SPC25: variants seen among roughly 807,000 people sequenced by gnomAD.
SPC25 encodes the protein SPC25 component of NDC80 kinetochore complex.
SPC25 carries 22 observed loss-of-function variants against 29.6 expected under a neutral mutation model. That is an observed-to-expected ratio of 0.74 (90% CI 0.53 to 1.06). The LOEUF is 1.06. Among genes scored for constraint, SPC25 ranks in the 50% least tolerant of loss-of-function variants. SPC25 has a pLI of 0.00. For missense variants in SPC25, 230 were observed against 255.8 expected (o/e 0.90, Z 0.69); for synonymous variants, 91 against 90.4 (o/e 1.01, Z -0.04).
intron 5 of SPC25, among the ~76,000 whole-genome samples, chr2:168,874,676 A>T (rs1215009424): frequency 6.6e-6 from 1 of 152,130 alleles, no homozygotes; most frequent in Non-Finnish European, 1.5e-5. Flanking sequence ...CAGCAAAGGG[A>T]AAAGGTACAT....
At chr2:168,864,034 C>G (rs1689675826) in intron 4 of SPC25, among the ~76,000 whole-genome samples, 1 of 152,068 alleles carries the variant, frequency 6.6e-6, no homozygotes, top group African/African-American at 2.4e-5. Flanking sequence ...CCTCAGTCTC[C>G]CAAGCTCACT....
chr2:168,870,339 A>G (rs1300586210), downstream of SPC25, among the ~76,000 whole-genome samples: 2 of 151,570 alleles, frequency 1.3e-5, no homozygotes, highest in Admixed American at 6.6e-5. Context: ...ATGTCAACAA[A>G]AGCCGAAATT....
chr2:168,882,005 G>C (rs1283221510), intron 3 of SPC25, among the ~76,000 whole-genome samples: 13 of 152,142 alleles, frequency 8.5e-5, no homozygotes, highest in Admixed American at 6.5e-4. Context: ...AATCAACCTA[G>C]ATCAAGAAAT....
chr2:168,862,054 G>A (rs1689492298), intron 4 of SPC25: 1 of 1,612,466 alleles, frequency 6.2e-7, no homozygotes, highest in African/African-American at 1.3e-5. Context: ...AAAAGGGTAA[G>A]AATCATTCTC....
chr2:168,871,542 G>C lies in SPC25; in HGVS notation c.564C>G (p.Ala188=). ...EARDYEVSDS[A]PHLEGLAEFQ... ...ATTCTGCTAGGCCCTCAAGATGAGG[G>C]GCACTATCTGACACTAGAAAAAAAA... The change falls in exon 7 of 7, where the codon GCC becomes GCG. Residue 188 remains alanine (A), a synonymous_variant. Coordinates refer to ENST00000282074, the MANE Select transcript of SPC25 (RefSeq NM_020675.4). 3 of 1,570,120 alleles carry C rather than the reference G, an allele frequency of 1.9e-6. No homozygotes were observed. The highest frequency in any genetic ancestry group is 2.6e-6 in the Non-Finnish European group (3 of 1,166,802).
At chr2:168,863,590 T>A in intron 4 of SPC25, 1 of 985,270 alleles carries the variant, frequency 1.0e-6, no homozygotes, top group Non-Finnish European at 1.2e-6. Flanking sequence ...TGTCTCCAAA[T>A]TGATGTTGTA....
intron 4 of SPC25, among the ~76,000 whole-genome samples, chr2:168,863,913 TTTTA>T (rs1287429989): frequency 7.9e-5 from 12 of 151,580 alleles, no homozygotes; most frequent in Admixed American, 3.3e-4. Flanking sequence ...CGTGATCTTT[TTTTA>T]TTTTTTTTTT....
chr2:168,876,065 A>T lies in SPC25; in HGVS notation c.451+7T>A. On this transcript the variant is annotated splice_region_variant and intron_variant, in intron 5 of 6. Transcript: ENST00000282074. The stretch of plus-strand genomic sequence containing the variant: ...CTCCTATATTTTATTTATATTAACA[A>T]ACTTACCATAAATTTTTCGAATTTC... 1 of 1,482,352 alleles carries T rather than the reference A, an allele frequency of 6.7e-7. No individual in the cohort carries two copies. The highest frequency in any genetic ancestry group is 2.5e-5 in the East Asian group (1 of 40,182). 91.8% of individuals were successfully genotyped at this position (1,482,352 alleles called of 1,614,324 possible). A position where few individuals can be genotyped will look rare whatever the true frequency, so the allele number is the denominator to read the frequency against.
chr2:168,876,045 A>G (rs748274942), intron 5 of SPC25, 27 bp downstream of exon 5: 9 of 1,312,850 alleles, frequency 6.9e-6, no homozygotes, highest in African/African-American at 1.6e-5. Context: ...GTAATCTCCT[A>G]TATTTTATTT....
chr2:168,888,957 G>GTGTA (rs1183281593), intron 3 of SPC25, among the ~76,000 whole-genome samples: 1,239 of 91,624 alleles, frequency 0.014, 97 homozygotes, highest in African/African-American at 0.05. Flanking sequence ...GTGTGTGTGT[G>GTGTA]TATATATATA....
rs1470138406 is a variant in SPC25 at position 168,865,096 on chromosome 2, T to C, written n.419+8489A>G. ...AAATGGATGGAGTTCTACCTGCATG[T>C]CACAGCACTTTGCATTCATGATTAT... On this transcript the variant is annotated intron_variant and non_coding_transcript_variant, in intron 4 of 4. Coordinates refer to the SPC25 transcript ENST00000479309. The C allele has an allele frequency of 3.1e-6, 3 of 967,074 alleles. No individual in the cohort carries two copies. The Admixed American group carries it at 8.0e-5, about 26-fold the overall frequency. 59.9% of individuals were successfully genotyped at this position (967,074 alleles called of 1,614,324 possible).
In SPC25 at chr2:168,886,464, T is replaced by C. The variant is rs116279279; in HGVS notation, c.199+2762A>G. 9.8e-3 allele frequency among the ~76,000 whole-genome samples: 1,491 copies of C among 152,294 alleles called. 22 individuals carry two copies. The highest frequency in any genetic ancestry group is 0.034 in the African/African-American group (1,418 of 41,550). On this transcript the variant is annotated intron_variant, in intron 3 of 6. Transcript: ENST00000282074. ...TTAGTGGTGGGCAATAGCAGTCATA[T>C]GTTCATTGAATTAATTAAACTTGAG...
intron 4 of SPC25, chr2:168,863,611 C>CTAAG (rs1689625692): frequency 4.1e-6 from 4 of 985,052 alleles, no homozygotes; most frequent in Admixed American, 6.2e-5. Context: ...TTAAAGTTGT[C>CTAAG]TAAGTTGTTG....
intron 3 of SPC25, among the ~76,000 whole-genome samples, chr2:168,880,875 T>C (rs1690166916): frequency 6.6e-6 from 1 of 152,162 alleles, no homozygotes; most frequent in Admixed American, 6.5e-5. Context: ...CTTATATGGG[T>C]GTCATTCATG....
At chr2:168,864,320 G>T (rs1212841895) in intron 4 of SPC25, among the ~76,000 whole-genome samples, 1 of 147,640 alleles carries the variant, frequency 6.8e-6, no homozygotes, top group Non-Finnish European at 1.5e-5. Flanking sequence ...TTGCCCTGTT[G>T]CTGTTGCCCA....
chr2:168,871,622 C>G, intron 6 of SPC25, 67 bp from the exon 7 acceptor site: 2 of 1,386,092 alleles, frequency 1.4e-6, no homozygotes, highest in Non-Finnish European at 1.9e-6. Context: ...AGAAGTATTT[C>G]TAATCTAGAT....
chr2:168,881,232 C>A (rs935757071), intron 3 of SPC25, among the ~76,000 whole-genome samples: 2 of 152,198 alleles, frequency 1.3e-5, no homozygotes, highest in African/African-American at 4.8e-5. Flanking sequence ...CCTGCCTTCC[C>A]CATGTCCCTG....
At chr2:168,882,345 G>A (rs1056482716) in intron 3 of SPC25, among the ~76,000 whole-genome samples, 1 of 152,222 alleles carries the variant, frequency 6.6e-6, no homozygotes. Flanking sequence ...GGCGGCTCAC[G>A]CCTGTAATCC....
At chr2:168,889,676 A>G (rs1261120869) in intron 1 of SPC25, 143 bp from the exon 2 acceptor site, 1 of 839,458 alleles carries the variant, frequency 1.2e-6, no homozygotes. Flanking sequence ...TCAAGGGTAG[A>G]TCAAGCCACC....
Sources: allele counts gnomAD v4.1 joint callset (sites outside exome capture counted in the v4.1 genomes callset), GRCh38; gene constraint gnomAD v4.1.1; transcripts MANE v1.5; gene names NCBI Gene and HGNC (gene_info 2026-07-23, HGNC 2026-07-21).